Variants in ANXA8 observed in about 807,000 individuals in gnomAD.
ANXA8 encodes the protein VAC-beta.
In ANXA8, 9 loss-of-function variants were observed where a neutral mutation model predicts 26.8. The ratio of observed to expected loss-of-function variants is 0.34; its 90% CI spans 0.20 to 0.59. ANXA8 has a LOEUF of 0.59. Ranked by LOEUF, ANXA8 falls within the 20% of genes least tolerant of loss-of-function variation. The pLI, the probability that ANXA8 is intolerant of heterozygous loss-of-function variation, is 0.84. For synonymous variants in ANXA8, 39 were observed against 94.8 expected, an observed-to-expected ratio of 0.41 and a Z score of 3.42; for missense variants, 83 against 238.5, an observed-to-expected ratio of 0.35 and a Z score of 4.29.
At chr10:47,952,380 A>C in the ANXA8 span, among the ~76,000 whole-genome samples, 3 of 150,532 alleles carry the variant, frequency 2.0e-5, no homozygotes, top group South Asian at 4.2e-4. Context: ...TAAGGAATTT[A>C]CAAAAAGTTA....
At chr10:47,907,761 G>A in the ANXA8 span, among the ~76,000 whole-genome samples, 1 of 55,108 alleles carries the variant, frequency 1.8e-5, no homozygotes, top group Non-Finnish European at 3.5e-5. Context: ...AGGTGAGACT[G>A]TCTCAAAAAA....
At chr10:47,497,616 T>C in the ANXA8 span, among the ~76,000 whole-genome samples, 21 of 114,160 alleles carry the variant, frequency 1.8e-4, no homozygotes, top group African/African-American at 7.3e-4. Context: ...CAAACCTCCA[T>C]CTCAAAAAAA....
chr10:47,687,964 G>A, the ANXA8 span, among the ~76,000 whole-genome samples: 1 of 151,800 alleles, frequency 6.6e-6, no homozygotes, highest in South Asian at 2.1e-4. Flanking sequence ...GCTGGGCGTG[G>A]TGGTAGACGG....
the ANXA8 span, among the ~76,000 whole-genome samples, chr10:47,977,451 T>G: frequency 6.6e-6 from 1 of 150,950 alleles, no homozygotes; most frequent in Non-Finnish European, 1.5e-5. Context: ...GGGAAAAAGC[T>G]GCCATTAGAA....
the ANXA8 span, among the ~76,000 whole-genome samples, chr10:47,694,125 C>T: frequency 6.6e-6 from 1 of 151,766 alleles, no homozygotes; most frequent in South Asian, 2.1e-4. Context: ...GACTAGGTAA[C>T]ATTCTCTCTG....
the ANXA8 span, among the ~76,000 whole-genome samples, chr10:47,905,783 T>C: frequency 7.2e-6 from 1 of 139,090 alleles, no homozygotes; most frequent in Non-Finnish European, 1.5e-5. Context: ...GCTAAAACAT[T>C]GGGCAGTTTC....
chr10:47,709,938 T>C, the ANXA8 span, among the ~76,000 whole-genome samples: 1 of 91,338 alleles, frequency 1.1e-5, no homozygotes, highest in South Asian at 4.1e-4. Flanking sequence ...GTTTGGTTAA[T>C]TGATAGAAAA....
the ANXA8 span, among the ~76,000 whole-genome samples, chr10:47,557,359 C>G: frequency 6.6e-6 from 1 of 151,666 alleles, no homozygotes; most frequent in Non-Finnish European, 1.5e-5. Flanking sequence ...CTTCCCCATG[C>G]TGAATGTCTG....
chr10:47,647,287 A>G, the ANXA8 span, among the ~76,000 whole-genome samples: 1 of 151,676 alleles, frequency 6.6e-6, no homozygotes, highest in Non-Finnish European at 1.5e-5. Context: ...TTCTTCTTTT[A>G]TACTTTTTTT....
At chr10:47,937,950 A>C in the ANXA8 span, among the ~76,000 whole-genome samples, 1 of 106,646 alleles carries the variant, frequency 9.4e-6, no homozygotes, top group East Asian at 2.7e-4. Context: ...GGTTGATTCC[A>C]TGTCTTTGCT....
chr10:47,719,930 T>A, the ANXA8 span: 1 of 1,475,242 alleles, frequency 6.8e-7, no homozygotes, highest in Non-Finnish European at 9.3e-7. Flanking sequence ...TGAAGAGTAT[T>A]TTTTCTTCTC....
chr10:47,660,987 G>A, the ANXA8 span, among the ~76,000 whole-genome samples: 1 of 151,188 alleles, frequency 6.6e-6, no homozygotes, highest in African/African-American at 2.5e-5. Flanking sequence ...ACACAATATT[G>A]GCAAGCTAAA....
chr10:47,581,414 C>T, the ANXA8 span: 5 of 446,768 alleles, frequency 1.1e-5, no homozygotes, highest in African/African-American at 1.1e-4. Context: ...TGGTAAAGAA[C>T]TGAGGAGGGG....
At chr10:47,533,225 C>CACACACACA in the ANXA8 span, among the ~76,000 whole-genome samples, 466 of 98,108 alleles carry the variant, frequency 4.7e-3, 7 homozygotes, top group South Asian at 0.024. Flanking sequence ...ACACACACAC[C>CACACACACA]CCCGCAGACA....
the ANXA8 span, among the ~76,000 whole-genome samples, chr10:47,510,829 C>T: frequency 1.2e-3 from 32 of 27,326 alleles, no homozygotes; most frequent in African/African-American, 5.3e-3. Context: ...GACTCCGTCT[C>T]AAAAAAAAAA....
At chr10:47,538,666 G>A in the ANXA8 span, 2 of 137,368 alleles carry the variant, frequency 1.5e-5, 1 homozygote, top group African/African-American at 5.5e-5. Flanking sequence ...TCATTTTTTT[G>A]TAGAGATGAA....
At chr10:47,567,609 C>T in the ANXA8 span, among the ~76,000 whole-genome samples, 10 of 152,008 alleles carry the variant, frequency 6.6e-5, no homozygotes, top group African/African-American at 2.2e-4. Context: ...GTCCTGTTCC[C>T]GTTCCCTCTG....
At chr10:47,525,353 C>T in the ANXA8 span, among the ~76,000 whole-genome samples, 1 of 140,950 alleles carries the variant, frequency 7.1e-6, no homozygotes, top group African/African-American at 2.7e-5. Context: ...CTGCAGTGAG[C>T]CAAGATCGTG....
the ANXA8 span, among the ~76,000 whole-genome samples, chr10:47,756,739 T>A: frequency 6.6e-6 from 1 of 152,238 alleles, no homozygotes; most frequent in South Asian, 2.1e-4. Context: ...GGGTGGGACA[T>A]GTGGGGTGAA....
Sources: allele counts gnomAD v4.1 joint callset (sites outside exome capture counted in the v4.1 genomes callset), GRCh38; gene constraint gnomAD v4.1.1; transcripts MANE v1.5; gene names NCBI Gene and HGNC (gene_info 2026-07-23, HGNC 2026-07-21).